Variants in SKIC3 observed in about 807,000 individuals in gnomAD.
The protein encoded by SKIC3 is SKI3 subunit of superkiller complex.
At chr5:95,526,347 G>A in the SKIC3 span, among the ~76,000 whole-genome samples, 1 of 151,614 alleles carries the variant, frequency 6.6e-6, no homozygotes, top group Non-Finnish European at 1.5e-5. Flanking sequence ...TTCTCAAGGT[G>A]TTTAACATGT....
At chr5:95,522,227 C>T in the SKIC3 span, 1 of 1,613,814 alleles carries the variant, frequency 6.2e-7, no homozygotes, top group South Asian at 1.1e-5. Flanking sequence ...TGTTGTGTAG[C>T]CTCCTCTGCT....
chr5:95,526,267 T>C, the SKIC3 span, among the ~76,000 whole-genome samples: 1 of 152,100 alleles, frequency 6.6e-6, no homozygotes, highest in Non-Finnish European at 1.5e-5. Context: ...TTTTCTTCCT[T>C]ACAATTTAAC....
chr5:95,475,081 C>G, the SKIC3 span, among the ~76,000 whole-genome samples: 1 of 152,208 alleles, frequency 6.6e-6, no homozygotes, highest in Non-Finnish European at 1.5e-5. Flanking sequence ...CATCCAGATT[C>G]TGAATTCTAT....
At chr5:95,517,309 G>C in the SKIC3 span, 1 of 1,612,864 alleles carries the variant, frequency 6.2e-7, no homozygotes, top group Non-Finnish European at 8.5e-7. Context: ...ACATCAGCTC[G>C]ATGCTGTAGA....
At chr5:95,474,930 T>C in the SKIC3 span, among the ~76,000 whole-genome samples, 1 of 152,222 alleles carries the variant, frequency 6.6e-6, no homozygotes, top group African/African-American at 2.4e-5. Context: ...TATGAAATTC[T>C]TGTAGTGAAT....
At chr5:95,467,015 G>C in the SKIC3 span, among the ~76,000 whole-genome samples, 2 of 152,168 alleles carry the variant, frequency 1.3e-5, no homozygotes, top group African/African-American at 2.4e-5. Context: ...GAAAGAAAAT[G>C]TTGATTTTTG....
At chr5:95,474,464 CTCG>C in the SKIC3 span, among the ~76,000 whole-genome samples, 2 of 152,184 alleles carry the variant, frequency 1.3e-5, no homozygotes, top group African/African-American at 4.8e-5. Flanking sequence ...CTGCTTCTAG[CTCG>C]TAACATTTCT....
chr5:95,533,777 A>G, the SKIC3 span, among the ~76,000 whole-genome samples: 1 of 152,170 alleles, frequency 6.6e-6, no homozygotes, highest in Non-Finnish European at 1.5e-5. Flanking sequence ...TCTTTATCAG[A>G]GCACTTTGTC....
the SKIC3 span, chr5:95,543,207 G>A: frequency 1.2e-6 from 2 of 1,613,924 alleles, no homozygotes; most frequent in Non-Finnish European, 1.7e-6. Context: ...AATTGGTCTG[G>A]CTCTAATTCA....
the SKIC3 span, chr5:95,482,444 G>A: frequency 1.9e-6 from 3 of 1,609,324 alleles, no homozygotes; most frequent in South Asian, 2.2e-5. Flanking sequence ...TTTTAATTGA[G>A]GACTCAAGTA....
At chr5:95,525,361 A>T in the SKIC3 span, 1 of 1,570,414 alleles carries the variant, frequency 6.4e-7, no homozygotes, top group Admixed American at 1.7e-5. Context: ...AAGAACTAAG[A>T]TGTAAATGGT....
chr5:95,533,673 C>T, the SKIC3 span, among the ~76,000 whole-genome samples: 1 of 152,104 alleles, frequency 6.6e-6, no homozygotes, highest in Non-Finnish European at 1.5e-5. Context: ...TCTTTCCATT[C>T]TACATAATAC....
At chr5:95,479,136 G>C in the SKIC3 span, among the ~76,000 whole-genome samples, 1 of 152,074 alleles carries the variant, frequency 6.6e-6, no homozygotes, top group South Asian at 2.1e-4. Context: ...AATTTAGCAA[G>C]GTGCTGGAAA....
chr5:95,522,704 T>C, the SKIC3 span, among the ~76,000 whole-genome samples: 1 of 152,174 alleles, frequency 6.6e-6, no homozygotes, highest in Non-Finnish European at 1.5e-5. Context: ...ATGCTTTAAA[T>C]ATCTGATCAA....
chr5:95,494,734 ATCT>A, the SKIC3 span: 1 of 1,613,754 alleles, frequency 6.2e-7, no homozygotes. Context: ...TATTTTTTTC[ATCT>A]TCTGCTGAAC....
the SKIC3 span, among the ~76,000 whole-genome samples, chr5:95,530,888 T>C: frequency 6.6e-6 from 1 of 152,154 alleles, no homozygotes; most frequent in Non-Finnish European, 1.5e-5. Context: ...AATATTTCCA[T>C]TTTCCCCAAT....
At chr5:95,552,235 C>A in the SKIC3 span, among the ~76,000 whole-genome samples, 5 of 152,088 alleles carry the variant, frequency 3.3e-5, no homozygotes, top group Non-Finnish European at 7.4e-5. Flanking sequence ...AACATGAGTA[C>A]CCTCTTCATA....
the SKIC3 span, chr5:95,468,123 G>C: frequency 1.7e-4 from 198 of 1,159,244 alleles, 1 homozygote; most frequent in African/African-American, 1.8e-3. Context: ...TTTTAATTCA[G>C]ATAACAATAA....
At chr5:95,510,077 T>C in the SKIC3 span, among the ~76,000 whole-genome samples, 7 of 152,322 alleles carry the variant, frequency 4.6e-5, no homozygotes, top group African/African-American at 1.4e-4. Context: ...TGTTCCAACA[T>C]GTACGTATTT....
Sources: allele counts gnomAD v4.1 joint callset (sites outside exome capture counted in the v4.1 genomes callset), GRCh38; gene constraint gnomAD v4.1.1; transcripts MANE v1.5; gene names NCBI Gene and HGNC (gene_info 2026-07-23, HGNC 2026-07-21).